VWA5B2: variants seen among roughly 807,000 people sequenced by gnomAD.
VWA5B2 encodes von Willebrand factor A domain-containing protein 5B2.
In VWA5B2, 93 loss-of-function variants were observed where a neutral mutation model predicts 118.5. That is an observed-to-expected ratio of 0.79 (90% CI 0.66 to 0.93). The LOEUF is 0.93. Ranked by LOEUF, VWA5B2 falls within the 40% of genes least tolerant of loss-of-function variation. VWA5B2 has a pLI of 0.00. For synonymous variants in VWA5B2, 708 were observed against 716.3 expected (o/e 0.99, Z 0.19); for missense variants, 1,546 against 1,672.8 (o/e 0.92, Z 1.32).
rs374542910 is a variant in VWA5B2, at chr3:184,238,072, C to CT, written c.1720-221dup. Among the ~76,000 whole-genome samples the CT allele has an allele frequency of 5.7e-3, 856 of 149,268 alleles. 7 individuals carry two copies. The highest frequency in any genetic ancestry group is 0.02 in the African/African-American group (804 of 40,788). On this transcript the variant is annotated intron_variant, in intron 12 of 19. Transcript: ENST00000691901. The surrounding 1 kb of genome is among the most constrained non-coding windows in gnomAD (Gnocchi z 5.0). ...TTGATCATGAGAGCTGCATAACAGA[C>CT]TTTTTTTTTTGCCTGGCTGCCAGGG...
At chr3:184,231,691 G>A (rs770818974) in intron 3 of VWA5B2, among the ~76,000 whole-genome samples, 11 of 152,212 alleles carry the variant, frequency 7.2e-5, no homozygotes, top group Non-Finnish European at 1.6e-4. Context: ...GCGAGTGCCC[G>A]GGGAAGGGAC....
chr3:184,230,978 T>C (rs1687226), intron 3 of VWA5B2, 61 bp downstream of exon 3: 349,523 of 1,204,132 alleles, frequency 0.29, 52,309 homozygotes, highest in African/African-American at 0.47. Context: ...GGCTCCCGCA[T>C]CCGCTCGGCC....
chr3:184,237,557 C>T lies in VWA5B2; in HGVS notation c.1719+146C>T. The T allele has an allele frequency of 1.1e-6, 1 of 875,092 alleles. No individual in the cohort carries two copies. Among genetic ancestry groups the T allele is most frequent in the South Asian group, 1.8e-5 (1 of 56,126 alleles). The allele number at this position is 875,092 out of a possible 1,614,324, so 54.2% of individuals were successfully genotyped here. A position where few individuals can be genotyped will look rare whatever the true frequency, so the allele number is the denominator to read the frequency against. On this transcript the variant is annotated intron_variant, in intron 12 of 19. Transcript: ENST00000691901. The surrounding 1 kb of genome is among the most constrained non-coding windows in gnomAD (Gnocchi z 5.6). ...TTCTCTACTATCCCCTAGGACTCCA[C>T]AGAGATCACACTGGGCCCCCTAAGA...
Position 184,239,516 on chromosome 3 carries a change from G to C in VWA5B2, c.2325G>C (p.Leu775Phe). Reference sequence around the variant, plus strand: ...CCGGCCGACCCCGGAAACCCTCTTTGGGTGCAATACTAGATGGCCCAAGTC... The same window carrying C: ...CCGGCCGACCCCGGAAACCCTCTTTCGGTGCAATACTAGATGGCCCAAGTC... The part of the protein sequence containing the change: ...QVPGRPRKPS[L>F]GAILDGPSPE... The change falls in exon 15 of 20, where the codon TTG (leucine) becomes TTC (phenylalanine). Residue 775 changes from leucine to phenylalanine, a missense_variant. Leu to Phe is a conservative substitution (Grantham distance 22, BLOSUM62 0). Around this residue, in one of 3 missense-constraint regions of VWA5B2, gnomAD observed 763 missense variants for 766.6 expected, o/e 1.00. Transcript: ENST00000691901. The surrounding 1 kb of genome is among the most constrained non-coding windows in gnomAD (Gnocchi z 5.1). The C allele has an allele frequency of 6.5e-7, 1 of 1,549,684 alleles. No homozygotes were observed. Among genetic ancestry groups the C allele is most frequent in the South Asian group, 1.2e-5 (1 of 83,818 alleles).
In VWA5B2 at chr3:184,236,141, G is replaced by A. The variant is rs1218221868; in HGVS notation, c.1102-11G>A. The A allele has an allele frequency of 6.4e-7, 1 of 1,550,572 alleles. No homozygotes were observed. Among genetic ancestry groups the A allele is most frequent in the Non-Finnish European group, 8.7e-7 (1 of 1,146,684 alleles). The stretch of plus-strand genomic sequence containing the variant: ...GGCCGGCCTCACGCCGCCCTCCCTG[G>A]CCCTCCACAGGATGCCATTGTTTTG... On this transcript the variant is annotated splice_polypyrimidine_tract_variant and intron_variant, in intron 8 of 19. Coordinates refer to ENST00000691901, the MANE Select transcript of VWA5B2 (RefSeq NM_001390846.1).
rs1278502832 is a variant in VWA5B2, at chr3:184,242,292, C to T, written c.*254C>T. 2.7e-6 allele frequency: 2 copies of T among 747,780 alleles called. No individual in the cohort carries two copies. The highest frequency in any genetic ancestry group is 1.6e-5 in the South Asian group (1 of 62,850). 46.3% of individuals were successfully genotyped at this position (747,780 alleles called of 1,614,324 possible). ...AACACAGTGGAAGGGTAGAGAGCCA[C>T]AGTCCCCAAATCCTATGCAATAAAG... On this transcript the variant is annotated 3_prime_UTR_variant, in exon 20 of 20. Coordinates refer to ENST00000691901, the MANE Select transcript of VWA5B2 (RefSeq NM_001390846.1).
rs577372786 is a variant in VWA5B2, at chr3:184,240,966, T to C, written c.2878+38T>C. ...TCTGGTGACCTCTCAGGTGCAGCTC[T>C]CACCTCACTGGCCACTCTCCTGGAC... On this transcript the variant is annotated intron_variant, in intron 17 of 19. Transcript: ENST00000691901. The C allele has an allele frequency of 1.3e-4, 206 of 1,551,484 alleles. 1 individual carries two copies. In the South Asian group the frequency reaches 2.4e-3, roughly 18 times the overall value.
Position 184,238,632 on chromosome 3 carries a change from G to GC in VWA5B2, c.1962dup (p.Ile655HisfsTer31). ...CCCTCTGACACAGCCATATGGCGCC[G>GC]CATCTTTCAGTCCTCGTACATTCGG... On this transcript the variant is annotated frameshift_variant, in exon 14 of 20. Coordinates refer to ENST00000691901, the MANE Select transcript of VWA5B2 (RefSeq NM_001390846.1). LOFTEE classifies it high-confidence loss of function. The surrounding 1 kb of genome is among the most constrained non-coding windows in gnomAD (Gnocchi z 5.0). 2.6e-6 allele frequency: 4 copies of GC among 1,551,938 alleles called. No individual in the cohort carries two copies. The highest frequency in any genetic ancestry group is 1.2e-5 in the South Asian group (1 of 84,068).
intron 3 of VWA5B2, chr3:184,232,891 T>C: frequency 2.0e-6 from 1 of 502,074 alleles, no homozygotes; most frequent in Admixed American, 3.9e-5. Context: ...GTGTGGGTAT[T>C]CCCAGGGCCT....
chr3:184,238,516 C>T lies in VWA5B2; in HGVS notation c.1891+42C>T, dbSNP rs375050046. The T allele has an allele frequency of 9.8e-6, 15 of 1,533,984 alleles. No individual in the cohort carries two copies. Among genetic ancestry groups the T allele is most frequent in the Middle Eastern group, 1.7e-4 (1 of 5,940 alleles). Reference sequence around the variant, plus strand: ...ATGTGTGTGGCTGTATTGGAGTGGGCGCTGGGAGGGGTCAGGGCTAGGGCC... The same window carrying T: ...ATGTGTGTGGCTGTATTGGAGTGGGTGCTGGGAGGGGTCAGGGCTAGGGCC... On this transcript the variant is annotated intron_variant, in intron 13 of 19. Transcript: ENST00000691901. The surrounding 1 kb of genome is among the most constrained non-coding windows in gnomAD (Gnocchi z 5.0).
Position 184,230,615 on chromosome 3 carries a change from C to G in VWA5B2, c.87C>G (p.Leu29=). The change falls in exon 2 of 20, where the codon CTC becomes CTG. Residue 29 remains leucine (L), a synonymous_variant. Coordinates refer to ENST00000691901, the MANE Select transcript of VWA5B2 (RefSeq NM_001390846.1). ...WVRACANGPC[L]SVRARLTYRN... is the part of the protein sequence containing the mutation. ...GGGCCTGCGCCAACGGCCCCTGCCTCAGCGTGCGGGCCCGGCTCACCTACC... is the reference window on the plus strand; with the variant it reads ...GGGCCTGCGCCAACGGCCCCTGCCTGAGCGTGCGGGCCCGGCTCACCTACC... The G allele has an allele frequency of 7.0e-7, 1 of 1,436,072 alleles. No homozygotes were observed. The highest frequency in any genetic ancestry group is 2.8e-5 in the Admixed American group (1 of 35,776). The allele number at this position is 1,436,072 out of a possible 1,614,324, so 89.0% of individuals were successfully genotyped here. A position where few individuals can be genotyped will look rare whatever the true frequency, so the allele number is the denominator to read the frequency against.
At position 184,240,916 on chromosome 3, in the gene VWA5B2, G is replaced by A. The variant is rs893573127; in HGVS notation, c.2866G>A (p.Val956Met). The change falls in exon 17 of 20, where the codon GTG becomes ATG. Residue 956 changes from valine (V) to methionine (M), a missense_variant. Val to Met is a conservative substitution (Grantham distance 21, BLOSUM62 1). Transcript: ENST00000691901. ...GGAGGTCCTGCCTGGGGCCCTGCAG[G>A]TGTGCAGCTCAGGTAGGGGCCTCTT... is the stretch of plus-strand genomic sequence containing the variant. ...TREVLPGALQ[V>M]CSSEPAEPPG... The A allele has an allele frequency of 3.2e-6, 5 of 1,551,494 alleles. No individual in the cohort carries two copies. Among genetic ancestry groups the A allele is most frequent in the African/African-American group, 2.7e-5 (2 of 73,024 alleles).
At position 184,239,616 on chromosome 3, in the gene VWA5B2, C is replaced by T; in HGVS notation, c.2392+33C>T. 6.7e-7 allele frequency: 1 copy of T among 1,486,100 alleles called. No individual in the cohort carries two copies. Among genetic ancestry groups the T allele is most frequent in the Non-Finnish European group, 9.0e-7 (1 of 1,109,298 alleles). The allele number at this position is 1,486,100 out of a possible 1,614,324, so 92.1% of individuals were successfully genotyped here. On this transcript the variant is annotated intron_variant, in intron 15 of 19. Transcript: ENST00000691901. The surrounding 1 kb of genome is among the most constrained non-coding windows in gnomAD (Gnocchi z 5.1). ...TTGGATGGGGAGCTGGTTTCCCTGA[C>T]ACCAAAGAGGCCTTGGGGAGGTAAA...
In VWA5B2 at chr3:184,242,074, C is replaced by T; in HGVS notation, c.*36C>T. ...CTGCTGCTTGGGCTGGCGCCCCACC[C>T]AACACACTCAAGTCACTGCCGCCCA... On this transcript the variant is annotated 3_prime_UTR_variant, in exon 20 of 20. Coordinates refer to ENST00000691901, the MANE Select transcript of VWA5B2 (RefSeq NM_001390846.1). 2 of 1,542,144 alleles carry T rather than the reference C, an allele frequency of 1.3e-6. No individual in the cohort carries two copies. The highest frequency in any genetic ancestry group is 8.7e-7 in the Non-Finnish European group (1 of 1,146,036).
In VWA5B2 at chr3:184,237,175, C is replaced by G; in HGVS notation, c.1534-51C>G. The stretch of plus-strand genomic sequence containing the variant: ...GGGCAGCCTTCCTGCTCTGTCTGGC[C>G]GTATGACACCTCTTTCCTTCCCATG... On this transcript the variant is annotated intron_variant, in intron 11 of 19. Transcript: ENST00000691901. The surrounding 1 kb of genome is among the most constrained non-coding windows in gnomAD (Gnocchi z 5.6). 2.0e-6 allele frequency: 3 copies of G among 1,530,034 alleles called. No individual in the cohort carries two copies. In the South Asian group the frequency reaches 3.7e-5, roughly 19 times the overall value. The allele number at this position is 1,530,034 out of a possible 1,614,324, so 94.8% of individuals were successfully genotyped here.
chr3:184,239,739 C>A lies in VWA5B2; in HGVS notation c.2443C>A (p.Pro815Thr), dbSNP rs759715113. 9 of 1,504,798 alleles carry A rather than the reference C, an allele frequency of 6.0e-6. No homozygotes were observed. The highest frequency in any genetic ancestry group is 8.0e-6 in the Non-Finnish European group (9 of 1,120,800). The allele number at this position is 1,504,798 out of a possible 1,614,324, so 93.2% of individuals were successfully genotyped here. The change falls in exon 16 of 20, where the codon CCC becomes ACC. Residue 815 changes from proline (P) to threonine (T), a missense_variant. By Grantham distance (38) the Pro-to-Thr change is conservative. Around this residue, in one of 3 missense-constraint regions of VWA5B2, gnomAD observed 763 missense variants for 766.6 expected, o/e 1.00. Coordinates refer to ENST00000691901, the MANE Select transcript of VWA5B2 (RefSeq NM_001390846.1). The surrounding 1 kb of genome is among the most constrained non-coding windows in gnomAD (Gnocchi z 5.1). ...GGACTGGGACATGCTGATGGAACCA[C>A]CCTTCTTATTCACGGCTGTGCCTCC... is the stretch of plus-strand genomic sequence containing the variant. ...PMDWDMLMEP[P>T]FLFTAVPPSG... is the part of the protein sequence containing the mutation.
rs1023081417 is a variant in VWA5B2, at chr3:184,230,648, G to T, written c.120G>T (p.Pro40=). 2 of 1,329,644 alleles carry T rather than the reference G, an allele frequency of 1.5e-6. No individual in the cohort carries two copies. The highest frequency in any genetic ancestry group is 1.5e-5 in the African/African-American group (1 of 65,070). 82.4% of individuals were successfully genotyped at this position (1,329,644 alleles called of 1,614,324 possible). A position where few individuals can be genotyped will look rare whatever the true frequency, so the allele number is the denominator to read the frequency against. ...SVRARLTYRN[P]QPQPVDGVFV... Reference sequence around the variant, plus strand: ...GGGCCCGGCTCACCTACCGCAACCCGCAGCCGCAGCCGGTGGACGGTGAGG... The same window carrying T: ...GGGCCCGGCTCACCTACCGCAACCCTCAGCCGCAGCCGGTGGACGGTGAGG... The change falls in exon 2 of 20, where the codon CCG becomes CCT. Residue 40 remains proline, a synonymous_variant. Transcript: ENST00000691901.
In VWA5B2 at chr3:184,237,224, A is replaced by G; in HGVS notation, c.1534-2A>G. On this transcript the variant is annotated splice_acceptor_variant, in intron 11 of 19. Coordinates refer to ENST00000691901, the MANE Select transcript of VWA5B2 (RefSeq NM_001390846.1). LOFTEE classifies it high-confidence loss of function. The surrounding 1 kb of genome is among the most constrained non-coding windows in gnomAD (Gnocchi z 5.6). ...TGTCTTCCCTGTGGCCACTCCCCAC[A>G]GCTGGTACAGGCTCTGCGGAAGGCA... The G allele has an allele frequency of 6.4e-7, 1 of 1,550,506 alleles. No homozygotes were observed. Among genetic ancestry groups the G allele is most frequent in the South Asian group, 1.2e-5 (1 of 84,022 alleles).
chr3:184,242,231 CCACT>C lies in VWA5B2; in HGVS notation c.*197_*200del. On this transcript the variant is annotated 3_prime_UTR_variant, in exon 20 of 20. Transcript: ENST00000691901. Reference sequence around the variant, plus strand: ...TGTGCTCTCTCCCTCTCCTCCCACCCCACTCACACTCCCCTCCATCCTCTGAGCT... The same window carrying C: ...TGTGCTCTCTCCCTCTCCTCCCACCCCACACTCCCCTCCATCCTCTGAGCT... The C allele has an allele frequency of 1.3e-6, 1 of 763,910 alleles. No individual in the cohort carries two copies. Among genetic ancestry groups the C allele is most frequent in the Non-Finnish European group, 2.1e-6 (1 of 468,802 alleles). 47.3% of individuals were successfully genotyped at this position (763,910 alleles called of 1,614,324 possible).
Sources: allele counts gnomAD v4.1 joint callset (sites outside exome capture counted in the v4.1 genomes callset), GRCh38; gene constraint gnomAD v4.1.1; regional missense constraint gnomAD v4.1.1; non-coding constraint Gnocchi (gnomAD v3.1); transcripts MANE v1.5; gene names NCBI Gene and HGNC (gene_info 2026-07-23, HGNC 2026-07-21).